The following SEMA3A variants were observed in gnomAD, a reference collection of about 807,000 sequenced individuals.
The protein encoded by SEMA3A is semaphorin 3A.
Under a neutral mutation model 97.9 loss-of-function variants are expected in SEMA3A, and 29 were observed. The observed-to-expected ratio is 0.30, with a 90% CI of 0.22 to 0.40. SEMA3A has a LOEUF of 0.40. Ranked by LOEUF, SEMA3A falls within the 10% of genes least tolerant of loss-of-function variation. The pLI is 1.00. For synonymous variants in SEMA3A, 321 were observed against 323.7 expected (o/e 0.99, Z 0.09); for missense variants, 763 against 951.3 (o/e 0.80, Z 2.60).
intron 1 of SEMA3A, among the ~76,000 whole-genome samples, chr7:84,479,896 A>G (rs1338778139): frequency 6.6e-6 from 1 of 152,230 alleles, no homozygotes; most frequent in East Asian, 1.9e-4. Context: ...CAGCAGCGAC[A>G]ACAACAACAA....
intron 6 of SEMA3A, among the ~76,000 whole-genome samples, chr7:84,016,905 C>CTA (rs1254377713): frequency 6.6e-6 from 1 of 152,166 alleles, no homozygotes; most frequent in Non-Finnish European, 1.5e-5. Flanking sequence ...CATTCTTCTG[C>CTA]TTTAATACTG....
intron 1 of SEMA3A, among the ~76,000 whole-genome samples, chr7:84,172,457 C>T (rs1797413544): frequency 1.3e-5 from 2 of 152,136 alleles, no homozygotes; most frequent in African/African-American, 2.4e-5. Context: ...GAGTCTCGCT[C>T]TGTCACCCAG....
chr7:84,261,621 C>A (rs1027755342), intron 3 of SEMA3A, among the ~76,000 whole-genome samples: 2 of 152,232 alleles, frequency 1.3e-5, no homozygotes, highest in African/African-American at 4.8e-5. Flanking sequence ...AGCACCTGTG[C>A]CAGTGCCTGG....
intron 1 of SEMA3A, among the ~76,000 whole-genome samples, chr7:84,433,201 T>A (rs1365918994): frequency 6.6e-6 from 1 of 151,976 alleles, no homozygotes; most frequent in Non-Finnish European, 1.5e-5. Flanking sequence ...ACATTAGGTA[T>A]TCCACCTAAT....
chr7:84,090,554 G>A (rs1794531042), intron 4 of SEMA3A, among the ~76,000 whole-genome samples: 1 of 151,994 alleles, frequency 6.6e-6, no homozygotes, highest in Non-Finnish European at 1.5e-5. Flanking sequence ...ATGCAAACAA[G>A]CATTAAAGCT....
intron 1 of SEMA3A, among the ~76,000 whole-genome samples, chr7:84,156,286 G>C (rs1201220866): frequency 6.6e-6 from 1 of 152,010 alleles, no homozygotes; most frequent in Non-Finnish European, 1.5e-5. Context: ...ACAACAACTT[G>C]TTTATTTAGA....
In SEMA3A at chr7:84,276,507, C is replaced by T. The variant is rs557704495; in HGVS notation, c.-83+30700G>A. Among the ~76,000 whole-genome samples the T allele has an allele frequency of 3.3e-5, 5 of 152,164 alleles. 1 individual carries two copies. Among genetic ancestry groups the T allele is most frequent in the African/African-American group, 1.2e-4 (5 of 41,556 alleles). On this transcript the variant is annotated intron_variant, in intron 3 of 3. Transcript: ENST00000424555. ...TCTTTCATTCTAGTACAATTTCCAG[C>T]ACATAGTAGGTACTTAATAAACCAA...
chr7:84,435,332 G>A (rs940486464), intron 1 of SEMA3A, among the ~76,000 whole-genome samples: 6 of 152,086 alleles, frequency 3.9e-5, no homozygotes, highest in African/African-American at 1.4e-4. Flanking sequence ...CGAGGAGGCT[G>A]GGTGCAGTGG....
intron 1 of SEMA3A, among the ~76,000 whole-genome samples, chr7:84,487,154 A>G (rs1322408773): frequency 4.6e-5 from 7 of 152,144 alleles, no homozygotes; most frequent in Admixed American, 4.6e-4. Flanking sequence ...GCCTCAAATG[A>G]AAAGAAATAT....
intron 2 of SEMA3A, among the ~76,000 whole-genome samples, chr7:84,368,215 CATA>C (rs989231120): frequency 2.3e-4 from 35 of 151,146 alleles, no homozygotes; most frequent in African/African-American, 8.5e-4. Context: ...ATTCATTCAC[CATA>C]ATGTTAGTAA....
intron 12 of SEMA3A, among the ~76,000 whole-genome samples, chr7:84,000,857 CATTGTATATAGGTATGAA>C (rs1477001858): frequency 1.3e-5 from 2 of 152,058 alleles, no homozygotes; most frequent in Non-Finnish European, 2.9e-5. Flanking sequence ...TGAGGAATAA[CATTGTATATAGGTATGAA>C]ATTGTTGGGG....
chr7:84,130,461 G>C lies in SEMA3A; in HGVS notation c.271-1276C>G, dbSNP rs145130457. ...GATAGGCATTCATTTTTAACATTAAGTTCTAAATTTGAGTATTCTTTCTAT... is the reference window on the plus strand; with the variant it reads ...GATAGGCATTCATTTTTAACATTAACTTCTAAATTTGAGTATTCTTTCTAT... On this transcript the variant is annotated intron_variant, in intron 2 of 16. Transcript: ENST00000265362. Among the ~76,000 whole-genome samples the C allele has an allele frequency of 1.8e-4, 28 of 152,158 alleles. No individual in the cohort carries two copies. In the East Asian group the frequency reaches 5.4e-3, roughly 29 times the overall value.
At chr7:84,025,874 G>A (rs550865943) in intron 6 of SEMA3A, among the ~76,000 whole-genome samples, 16 of 152,290 alleles carry the variant, frequency 1.1e-4, no homozygotes, top group Middle Eastern at 6.8e-3. Flanking sequence ...AACAAGAGCC[G>A]AGTTCCTTCT....
At chr7:84,198,266 A>T (rs1334624728), upstream of SEMA3A, among the ~76,000 whole-genome samples, 1 of 149,868 alleles carries the variant, frequency 6.7e-6, no homozygotes, top group Non-Finnish European at 1.5e-5. Flanking sequence ...CACGATCTCG[A>T]CTCACCGCAA....
At chr7:84,241,626 G>A (rs1357139041) in intron 3 of SEMA3A, among the ~76,000 whole-genome samples, 1 of 152,124 alleles carries the variant, frequency 6.6e-6, no homozygotes, top group African/African-American at 2.4e-5. Context: ...AAGCTCTTTA[G>A]TTTAATTAGA....
intron 4 of SEMA3A, among the ~76,000 whole-genome samples, chr7:84,071,933 G>T (rs1355167274): frequency 6.6e-6 from 1 of 152,016 alleles, no homozygotes; most frequent in Non-Finnish European, 1.5e-5. Flanking sequence ...CACATCCCAG[G>T]AACTAATAAT....
chr7:84,351,829 A>C (rs2116027658), intron 2 of SEMA3A, among the ~76,000 whole-genome samples: 1 of 152,178 alleles, frequency 6.6e-6, no homozygotes, highest in African/African-American at 2.4e-5. Flanking sequence ...TCAAAAAACT[A>C]AAAATAGAAC....
chr7:84,263,819 T>C (rs1443334803), intron 3 of SEMA3A, among the ~76,000 whole-genome samples: 1 of 152,190 alleles, frequency 6.6e-6, no homozygotes, highest in Non-Finnish European at 1.5e-5. Flanking sequence ...CATATAATCA[T>C]AGCTGTGACT....
chr7:84,454,560 A>G lies in SEMA3A; in HGVS notation c.-246+37900T>C, dbSNP rs979600054. Among the ~76,000 whole-genome samples, 3 of 152,148 alleles carry G rather than the reference A, an allele frequency of 2.0e-5. No individual in the cohort carries two copies. The South Asian group carries it at 6.2e-4, about 32-fold the overall frequency. On this transcript the variant is annotated intron_variant, in intron 1 of 3. Transcript: ENST00000424555. ...TAAAATTCATGACAACAATAGCATG[A>G]ATGTGGTAAATGGTATAGTACAATT...
Sources: allele counts gnomAD v4.1 joint callset (sites outside exome capture counted in the v4.1 genomes callset), GRCh38; gene constraint gnomAD v4.1.1; transcripts MANE v1.5; gene names NCBI Gene and HGNC (gene_info 2026-07-23, HGNC 2026-07-21).